PTPDC1: variants seen among roughly 807,000 people sequenced by gnomAD.
The protein encoded by PTPDC1 is protein tyrosine phosphatase domain-containing protein 1.
In PTPDC1, 53 loss-of-function variants were observed where a neutral mutation model predicts 75.3. That is an observed-to-expected ratio of 0.70 (90% CI 0.56 to 0.88). The LOEUF (loss-of-function observed/expected upper bound fraction) is 0.88, where lower values mean the gene tolerates loss of function less well. PTPDC1 is among the 40% of genes least tolerant of loss of function. The pLI is 0.00. For missense variants in PTPDC1, 925 were observed against 998.6 expected (o/e 0.93, Z 0.99); for synonymous variants, 349 against 366.2 (o/e 0.95, Z 0.54).
intron 2 of PTPDC1, among the ~76,000 whole-genome samples, chr9:94,067,901 T>A (rs1239850280): frequency 2.0e-5 from 3 of 152,146 alleles, no homozygotes; most frequent in Admixed American, 2.0e-4. Flanking sequence ...CGTGCCCGGC[T>A]TTCAATCTCT....
intron 2 of PTPDC1, among the ~76,000 whole-genome samples, chr9:94,086,052 T>C (rs538704292): frequency 6.6e-6 from 1 of 152,228 alleles, no homozygotes; most frequent in Non-Finnish European, 1.5e-5. Context: ...TAAATCACAT[T>C]TGAAGCATAC....
chr9:94,072,763 T>C (rs1259102676), intron 2 of PTPDC1, among the ~76,000 whole-genome samples: 3 of 152,224 alleles, frequency 2.0e-5, no homozygotes, highest in African/African-American at 7.2e-5. Flanking sequence ...ATGCTTTTTC[T>C]GTGTTAATTG....
At chr9:94,080,350 T>G (rs1826837725), upstream of PTPDC1, among the ~76,000 whole-genome samples, 1 of 152,182 alleles carries the variant, frequency 6.6e-6, no homozygotes, top group Non-Finnish European at 1.5e-5. Flanking sequence ...AGAGGAACTC[T>G]GTGGTGTTGG....
chr9:94,051,946 G>A (rs1242832385), intron 1 of PTPDC1, among the ~76,000 whole-genome samples: 1 of 152,022 alleles, frequency 6.6e-6, no homozygotes, highest in Non-Finnish European at 1.5e-5. Flanking sequence ...GGAAGCATAG[G>A]TTATTGATTT....
At chr9:94,100,880 A>G (rs533219459) in intron 6 of PTPDC1, 7 of 152,368 alleles carry the variant, frequency 4.6e-5, no homozygotes, top group Non-Finnish European at 8.8e-5. Flanking sequence ...GAGGTAAAGT[A>G]TTAAAATCTC....
At chr9:94,043,756 T>C (rs1825505039) in intron 1 of PTPDC1, among the ~76,000 whole-genome samples, 1 of 152,186 alleles carries the variant, frequency 6.6e-6, no homozygotes, top group Non-Finnish European at 1.5e-5. Flanking sequence ...CCAAAGGTCA[T>C]GTAGCTTTTC....
At chr9:94,089,801 G>C in intron 4 of PTPDC1, among the ~76,000 whole-genome samples, 1 of 51,062 alleles carries the variant, frequency 2.0e-5, no homozygotes, top group Admixed American at 2.3e-4. Context: ...TCTCATTGTG[G>C]TTTTGATTTG....
At chr9:94,054,552 A>G (rs188392235) in intron 1 of PTPDC1, among the ~76,000 whole-genome samples, 8 of 152,308 alleles carry the variant, frequency 5.3e-5, no homozygotes, top group Admixed American at 5.2e-4. Context: ...AAAATGTGTA[A>G]AGGGGCCACG....
At chr9:94,035,416 T>C (rs1414827607) in intron 1 of PTPDC1, among the ~76,000 whole-genome samples, 1 of 152,212 alleles carries the variant, frequency 6.6e-6, no homozygotes, top group Non-Finnish European at 1.5e-5. Flanking sequence ...AAGTGGAACA[T>C]GTGGTATTTG....
In PTPDC1 at chr9:94,108,541, GA is replaced by G. The variant is rs2118124538; in HGVS notation, c.*598del. ...GTTTCAAAGCATATTATTTTTCAGA[GA>G]GATTTAGTTTTACTTTAATGGAGTG... On this transcript the variant is annotated 3_prime_UTR_variant, in exon 9 of 9. Transcript: ENST00000620992. 6.6e-6 allele frequency: 1 copy of G among 152,628 alleles called. No individual in the cohort carries two copies. The highest frequency in any genetic ancestry group is 2.1e-4 in the South Asian group (1 of 4,828). The allele number at this position is 152,628 out of a possible 1,614,324, so 9.5% of individuals were successfully genotyped here.
At chr9:94,039,979 C>T (rs1731703316) in intron 1 of PTPDC1, among the ~76,000 whole-genome samples, 1 of 152,110 alleles carries the variant, frequency 6.6e-6, no homozygotes. Flanking sequence ...AATTGGGCAG[C>T]ATCCCATCTA....
chr9:94,054,160 A>G (rs1216424148), intron 1 of PTPDC1, among the ~76,000 whole-genome samples: 1 of 152,330 alleles, frequency 6.6e-6, no homozygotes, highest in African/African-American at 2.4e-5. Context: ...GGACAAATAA[A>G]TAAAGTATAT....
intron 1 of PTPDC1, among the ~76,000 whole-genome samples, chr9:94,051,344 A>G (rs1463722164): frequency 1.3e-5 from 2 of 152,220 alleles, no homozygotes; most frequent in Non-Finnish European, 2.9e-5. Context: ...CTATTCAGCC[A>G]TCTTGGCTCA....
chr9:94,050,473 G>A (rs900429836), intron 1 of PTPDC1, among the ~76,000 whole-genome samples: 1 of 152,220 alleles, frequency 6.6e-6, no homozygotes, highest in Non-Finnish European at 1.5e-5. Flanking sequence ...GTTTGCTGGA[G>A]GTCCACTCCA....
At chr9:94,075,253 G>T (rs772375871) in intron 2 of PTPDC1, among the ~76,000 whole-genome samples, 45 of 152,086 alleles carry the variant, frequency 3.0e-4, no homozygotes, top group Non-Finnish European at 5.9e-4. Context: ...ACCACCCAGT[G>T]GGGGAATCAG....
chr9:94,085,904 A>G (rs1404597842), intron 2 of PTPDC1, among the ~76,000 whole-genome samples: 1 of 152,224 alleles, frequency 6.6e-6, no homozygotes, highest in South Asian at 2.1e-4. Flanking sequence ...TTGTCAGCTC[A>G]GTAGAAAACA....
At chr9:94,068,729 A>T (rs886886662) in intron 2 of PTPDC1, among the ~76,000 whole-genome samples, 11 of 152,194 alleles carry the variant, frequency 7.2e-5, no homozygotes, top group Non-Finnish European at 1.5e-5. Flanking sequence ...GTGATAGATA[A>T]CTGGAGATTT....
chr9:94,102,704 C>T lies in PTPDC1; in HGVS notation c.2199+953C>T, dbSNP rs185606379. ...AAGCGATTCTCCTGCCTCAGCCTCCCGAGTAGCTGGGATTACAGCATGTGC... is the reference window on the plus strand; with the variant it reads ...AAGCGATTCTCCTGCCTCAGCCTCCTGAGTAGCTGGGATTACAGCATGTGC... On this transcript the variant is annotated intron_variant, in intron 7 of 8. Transcript: ENST00000620992. 7.3e-3 allele frequency among the ~76,000 whole-genome samples: 1,113 copies of T among 152,126 alleles called. 7 individuals are homozygous for T. The highest frequency in any genetic ancestry group is 0.012 in the Non-Finnish European group (825 of 68,004).
intron 7 of PTPDC1, among the ~76,000 whole-genome samples, chr9:94,103,470 A>G (rs1827913926): frequency 6.6e-6 from 1 of 152,186 alleles, no homozygotes. Flanking sequence ...TCTATTACAT[A>G]AGGCTGCCTG....
Sources: gnomAD v4.1 joint callset for allele counts (sites outside exome capture counted in the v4.1 genomes callset) on GRCh38, gnomAD v4.1.1 for gene constraint, MANE v1.5 for transcripts, NCBI Gene and HGNC (gene_info 2026-07-23, HGNC 2026-07-21) for gene names.